Variants in CEP112 observed in about 807,000 individuals in gnomAD.
The protein encoded by CEP112 is centrosomal protein of 112 kDa.
CEP112 carries 127 observed loss-of-function variants against 153.0 expected under a neutral mutation model. The ratio of observed to expected loss-of-function variants is 0.83; its 90% CI spans 0.72 to 0.96. The LOEUF (loss-of-function observed/expected upper bound fraction) is 0.96, where lower values mean the gene tolerates loss of function less well. Among genes scored for constraint, CEP112 ranks in the 40% least tolerant of loss-of-function variants. The pLI, the probability that CEP112 is intolerant of heterozygous loss-of-function variation, is 0.00. For missense variants in CEP112, 1,089 were observed against 1,101.2 expected (o/e 0.99, Z 0.16); for synonymous variants, 358 against 374.4 (o/e 0.96, Z 0.51).
intron 20 of CEP112, among the ~76,000 whole-genome samples, chr17:65,874,048 A>G (rs1291777630): frequency 6.6e-6 from 1 of 152,194 alleles, no homozygotes; most frequent in Admixed American, 6.5e-5. Context: ...GAAAACCATT[A>G]TATGTATGCA....
chr17:65,962,812 A>G (rs989978399), intron 17 of CEP112, among the ~76,000 whole-genome samples: 1 of 152,100 alleles, frequency 6.6e-6, no homozygotes, highest in Non-Finnish European at 1.5e-5. Flanking sequence ...TCCATGTAAG[A>G]TGTGACTTGC....
chr17:65,640,933 C>T (rs1445090188), intron 25 of CEP112, 31 bp downstream of exon 25: 1 of 1,254,286 alleles, frequency 8.0e-7, no homozygotes, highest in East Asian at 2.3e-5. Flanking sequence ...TCCCCTAAAT[C>T]CTTGGAAAAT....
chr17:65,999,361 A>C (rs1256265271), intron 17 of CEP112, among the ~76,000 whole-genome samples: 2 of 151,788 alleles, frequency 1.3e-5, no homozygotes, highest in East Asian at 3.9e-4. Context: ...GCCACAGCAC[A>C]CGGCTAATTT....
chr17:66,149,700 T>C (rs551029935), intron 4 of CEP112, among the ~76,000 whole-genome samples: 1 of 152,146 alleles, frequency 6.6e-6, no homozygotes, highest in East Asian at 1.9e-4. Context: ...GTTTCTTTTT[T>C]TCTTACCCAT....
At chr17:66,034,352 T>G (rs575632870) in intron 12 of CEP112, among the ~76,000 whole-genome samples, 4 of 152,166 alleles carry the variant, frequency 2.6e-5, no homozygotes, top group African/African-American at 9.7e-5. Flanking sequence ...AAATCCAACA[T>G]AGAGGTAAAG....
chr17:65,837,412 G>C (rs574852716), intron 21 of CEP112, among the ~76,000 whole-genome samples: 1 of 151,788 alleles, frequency 6.6e-6, no homozygotes, highest in Admixed American at 6.6e-5. Flanking sequence ...CCTCTGCCCC[G>C]CCGCCCCATC....
At chr17:66,095,437 T>C (rs2068302371) in intron 8 of CEP112, among the ~76,000 whole-genome samples, 1 of 152,080 alleles carries the variant, frequency 6.6e-6, no homozygotes, top group East Asian at 1.9e-4. Context: ...AAATACCACA[T>C]GATCTCACTT....
intron 24 of CEP112, chr17:65,654,969 T>A: frequency 1.5e-6 from 1 of 671,788 alleles, no homozygotes; most frequent in South Asian, 1.4e-5. Flanking sequence ...GCCGGGCCAA[T>A]AGTGATTGGC....
At chr17:66,026,407 A>G (rs1010183752) in intron 16 of CEP112, among the ~76,000 whole-genome samples, 2 of 152,222 alleles carry the variant, frequency 1.3e-5, no homozygotes, top group African/African-American at 2.4e-5. Flanking sequence ...ATAAACAACA[A>G]GGAACAATTG....
chr17:65,970,269 A>C (rs905088643), intron 17 of CEP112, among the ~76,000 whole-genome samples: 1 of 152,002 alleles, frequency 6.6e-6, no homozygotes, highest in Non-Finnish European at 1.5e-5. Flanking sequence ...CACATATTAC[A>C]TGCATGTATG....
intron 16 of CEP112, among the ~76,000 whole-genome samples, chr17:66,026,385 T>C (rs766040070): frequency 1.3e-5 from 2 of 152,160 alleles, no homozygotes; most frequent in Admixed American, 6.6e-5. Flanking sequence ...ATGTGTCAGT[T>C]GAAATAGTAC....
chr17:65,807,522 C>T (rs2055681712), intron 21 of CEP112, among the ~76,000 whole-genome samples: 2 of 152,168 alleles, frequency 1.3e-5, no homozygotes, highest in Admixed American at 1.3e-4. Context: ...GTGGCAGCCC[C>T]TCCCACCATA....
chr17:65,868,388 T>C (rs941648897), intron 20 of CEP112, among the ~76,000 whole-genome samples: 2 of 151,886 alleles, frequency 1.3e-5, no homozygotes, highest in Non-Finnish European at 2.9e-5. Flanking sequence ...TAATTCCAGG[T>C]ACTCGAGAGG....
At chr17:66,145,400 T>C (rs937356254) in intron 4 of CEP112, among the ~76,000 whole-genome samples, 1 of 152,148 alleles carries the variant, frequency 6.6e-6, no homozygotes, top group East Asian at 1.9e-4. Flanking sequence ...TTTGTAAATT[T>C]TTTCTTCATT....
At chr17:66,102,368 T>C (rs1164356533) in intron 6 of CEP112, among the ~76,000 whole-genome samples, 1 of 152,136 alleles carries the variant, frequency 6.6e-6, no homozygotes, top group African/African-American at 2.4e-5. Flanking sequence ...TAATTTTATA[T>C]TTTCAATCCA....
chr17:66,113,504 A>C (rs554605088), intron 6 of CEP112, among the ~76,000 whole-genome samples: 1 of 152,330 alleles, frequency 6.6e-6, no homozygotes, highest in African/African-American at 2.4e-5. Context: ...ATTTATTTTT[A>C]TTCAGCTCTA....
intron 1 of CEP112, among the ~76,000 whole-genome samples, chr17:66,184,892 G>C (rs2072864173): frequency 1.3e-5 from 2 of 152,012 alleles, no homozygotes; most frequent in Admixed American, 1.3e-4. Context: ...CAATAACATA[G>C]TACTCAGCAA....
intron 21 of CEP112, among the ~76,000 whole-genome samples, chr17:65,821,019 A>G (rs1223467508): frequency 6.6e-6 from 1 of 152,130 alleles, no homozygotes; most frequent in Non-Finnish European, 1.5e-5. Flanking sequence ...AATACCATAG[A>G]TGAATATTAA....
At chr17:66,157,722 A>AT (rs2071507886) in intron 4 of CEP112, among the ~76,000 whole-genome samples, 1 of 150,480 alleles carries the variant, frequency 6.6e-6, no homozygotes. Context: ...AAAAAAAAAA[A>AT]GCAGGGGTTG....
Sources: gnomAD v4.1 joint callset for allele counts (sites outside exome capture counted in the v4.1 genomes callset) on GRCh38, gnomAD v4.1.1 for gene constraint, MANE v1.5 for transcripts, NCBI Gene and HGNC (gene_info 2026-07-23, HGNC 2026-07-21) for gene names.